UVRAG: variants seen among roughly 807,000 people sequenced by gnomAD.
UVRAG encodes UV radiation resistance associated.
UVRAG carries 19 observed loss-of-function variants against 78.0 expected under a neutral mutation model. That is an observed-to-expected ratio of 0.24 (90% confidence interval 0.17 to 0.36). The LOEUF (loss-of-function observed/expected upper bound fraction) is 0.36. Among genes scored for constraint, UVRAG ranks in the 10% least tolerant of loss-of-function variants. The pLI is 1.00. For missense variants in UVRAG, 740 were observed against 853.8 expected, an observed-to-expected ratio of 0.87 and a Z score of 1.66; for synonymous variants, 323 against 324.6, an observed-to-expected ratio of 1.00 and a Z score of 0.05.
intron 6 of UVRAG, among the ~76,000 whole-genome samples, chr11:75,959,722 A>G (rs930906059): frequency 1.3e-5 from 2 of 152,220 alleles, no homozygotes; most frequent in Non-Finnish European, 2.9e-5. Context: ...GTTTCATGCA[A>G]GAGGCCTAGT....
intron 12 of UVRAG, among the ~76,000 whole-genome samples, chr11:76,051,519 T>C (rs926437422): frequency 1.3e-5 from 2 of 152,176 alleles, no homozygotes; most frequent in Non-Finnish European, 2.9e-5. Context: ...GAAATTGATA[T>C]TGAGTTCTTT....
intron 12 of UVRAG, among the ~76,000 whole-genome samples, chr11:76,045,211 A>G (rs1950726672): frequency 6.6e-6 from 1 of 152,236 alleles, no homozygotes; most frequent in African/African-American, 2.4e-5. Flanking sequence ...AGCTGAAAAA[A>G]GGAATTGATT....
At chr11:76,055,455 A>G (rs907401483) in intron 12 of UVRAG, among the ~76,000 whole-genome samples, 2 of 152,208 alleles carry the variant, frequency 1.3e-5, no homozygotes, top group African/African-American at 4.8e-5. Context: ...AGTTGAAAGA[A>G]TCTTGTAGTG....
intron 12 of UVRAG, among the ~76,000 whole-genome samples, chr11:76,027,131 GC>G (rs1364193504): frequency 2.0e-5 from 3 of 152,080 alleles, no homozygotes; most frequent in African/African-American, 7.2e-5. Context: ...ATTTTGATAT[GC>G]CCCCCTGAGG....
At chr11:75,908,712 C>CTTTTTTTTTTTTTTTTTTTTTTTTTTT (rs1024795820) in intron 5 of UVRAG, among the ~76,000 whole-genome samples, 1 of 45,444 alleles carries the variant, frequency 2.2e-5, no homozygotes, top group Non-Finnish European at 4.5e-5. Context: ...TGGTTCTGGG[C>CTTTTTTTTTTTTTTTTTTTTTTTTTTT]TTTTTTTTTT....
At chr11:76,125,651 C>G (rs979864556) in intron 14 of UVRAG, among the ~76,000 whole-genome samples, 3 of 152,210 alleles carry the variant, frequency 2.0e-5, no homozygotes, top group African/African-American at 7.2e-5. Context: ...ACTCCAGCAA[C>G]CAAGTCTCTG....
chr11:76,044,120 G>C lies in UVRAG; in HGVS notation c.1227-21590G>C, dbSNP rs141968149. ...GTGGCCCTCATGGTCCAAGATGGTTGTTGGAATGTCAGTCATTATGTAGCC... is the reference window on the plus strand; with the variant it reads ...GTGGCCCTCATGGTCCAAGATGGTTCTTGGAATGTCAGTCATTATGTAGCC... On this transcript the variant is annotated intron_variant, in intron 12 of 14. Coordinates refer to ENST00000356136, the MANE Select transcript of UVRAG (RefSeq NM_003369.4). Among the ~76,000 whole-genome samples the C allele has an allele frequency of 8.8e-3, 1,344 of 152,308 alleles. 10 individuals carry two copies. The highest frequency in any genetic ancestry group is 0.014 in the Non-Finnish European group (938 of 68,020).
chr11:75,942,471 CA>C (rs1414565454), intron 6 of UVRAG: 1 of 152,152 alleles, frequency 6.6e-6, no homozygotes, highest in Non-Finnish European at 1.5e-5. Flanking sequence ...CCACAAACAG[CA>C]GATTCACAGC....
rs746973414 is a variant in UVRAG, at chr11:75,983,395, A to G, written c.708A>G (p.Lys236=). ...LTSTSNELKK[K]SECLQLKILV... Reference sequence around the variant, plus strand: ...TGATTTTATTTATTTAGAAAAAAAAAAGTGAATGCCTGCAGTTAAAAATTT... The same window carrying G: ...TGATTTTATTTATTTAGAAAAAAAAGAGTGAATGCCTGCAGTTAAAAATTT... The change falls in exon 8 of 15, where the codon AAA becomes AAG. Residue 236 remains lysine, a synonymous_variant. Transcript: ENST00000356136. 3 of 1,590,008 alleles carry G rather than the reference A, an allele frequency of 1.9e-6. No individual in the cohort carries two copies. In the African/African-American group the frequency reaches 4.1e-5, roughly 22 times the overall value.
chr11:75,912,683 A>G (rs1465124241), intron 6 of UVRAG, among the ~76,000 whole-genome samples: 2 of 152,226 alleles, frequency 1.3e-5, no homozygotes, highest in Non-Finnish European at 2.9e-5. Context: ...CCCTACTCAG[A>G]CAGATTGTTC....
intron 13 of UVRAG, 136 bp downstream of exon 13, chr11:76,065,924 C>CT (rs1021945749): frequency 1.2e-4 from 79 of 657,844 alleles, no homozygotes; most frequent in East Asian, 2.1e-4. Flanking sequence ...ATACACAGTT[C>CT]TTTTTTTTGA....
In UVRAG at chr11:76,047,203, A is replaced by G. The variant is rs1477060180; in HGVS notation, c.1227-18507A>G. On this transcript the variant is annotated intron_variant, in intron 12 of 14. Coordinates refer to ENST00000356136, the MANE Select transcript of UVRAG (RefSeq NM_003369.4). ...GAAGCACCTCACTTCTTTTGGGACTAGGGGAAGGCTTCAGAGAGGATAGAA... is the reference window on the plus strand; with the variant it reads ...GAAGCACCTCACTTCTTTTGGGACTGGGGGAAGGCTTCAGAGAGGATAGAA... Among the ~76,000 whole-genome samples the G allele has an allele frequency of 2.6e-5, 4 of 152,212 alleles. No individual in the cohort carries two copies. In the East Asian group the frequency reaches 7.7e-4, roughly 29 times the overall value.
At chr11:75,876,729 G>A (rs2134854474) in intron 3 of UVRAG, among the ~76,000 whole-genome samples, 1 of 149,566 alleles carries the variant, frequency 6.7e-6, no homozygotes, top group Middle Eastern at 3.5e-3. Flanking sequence ...GCCAAGAACA[G>A]TTAGTTACCC....
chr11:76,077,956 C>T (rs1591209809), intron 13 of UVRAG, among the ~76,000 whole-genome samples: 1 of 152,046 alleles, frequency 6.6e-6, no homozygotes, highest in East Asian at 1.9e-4. Context: ...TAAGATTAGC[C>T]TTTTCCAAAG....
chr11:75,974,806 A>T (rs1253494464), intron 7 of UVRAG, among the ~76,000 whole-genome samples: 5 of 151,912 alleles, frequency 3.3e-5, no homozygotes, highest in African/African-American at 1.2e-4. Context: ...GATTGCAAAA[A>T]TTTTCTCCCA....
At chr11:75,923,334 G>T (rs1194417177) in intron 6 of UVRAG, among the ~76,000 whole-genome samples, 1 of 152,052 alleles carries the variant, frequency 6.6e-6, no homozygotes, top group Non-Finnish European at 1.5e-5. Flanking sequence ...AGCAAGATTA[G>T]TTTTTAGCAG....
At chr11:76,072,830 G>A (rs150671766) in intron 13 of UVRAG, among the ~76,000 whole-genome samples, 50 of 152,148 alleles carry the variant, frequency 3.3e-4, no homozygotes, top group African/African-American at 1.1e-3. Context: ...GAATTTAAGT[G>A]ACAGATTCCT....
rs147692661 is a variant in UVRAG at position 76,024,264 on chromosome 11, G to C, written c.1226+7284G>C. On this transcript the variant is annotated intron_variant, in intron 12 of 14. Coordinates refer to ENST00000356136, the MANE Select transcript of UVRAG (RefSeq NM_003369.4). The stretch of plus-strand genomic sequence containing the variant: ...AATTTGTGAAGTAGCAACTTAATAT[G>C]TGGGCAATTTCAAGTAGCATGCCCC... Among the ~76,000 whole-genome samples, 7 of 152,258 alleles carry C rather than the reference G, an allele frequency of 4.6e-5. No homozygotes were observed. In the East Asian group the frequency reaches 1.4e-3, roughly 29 times the overall value.
intron 7 of UVRAG, among the ~76,000 whole-genome samples, chr11:75,982,077 C>T (rs1287477235): frequency 1.3e-5 from 2 of 151,820 alleles, no homozygotes; most frequent in Admixed American, 1.3e-4. Flanking sequence ...TTGGCATTTT[C>T]CTGGTTCTTG....
Sources: gnomAD v4.1 joint callset for allele counts (sites outside exome capture counted in the v4.1 genomes callset) on GRCh38, gnomAD v4.1.1 for gene constraint, MANE v1.5 for transcripts, NCBI Gene and HGNC (gene_info 2026-07-23, HGNC 2026-07-21) for gene names.